Variants in ADAMTS14 observed in about 807,000 individuals in gnomAD.
ADAMTS14 encodes A disintegrin and metalloproteinase with thrombospondin motifs 14.
Under a neutral mutation model 128.6 loss-of-function variants are expected in ADAMTS14, and 100 were observed. The ratio of observed to expected loss-of-function variants is 0.78; its 90% CI spans 0.66 to 0.92. The LOEUF (loss-of-function observed/expected upper bound fraction) is 0.92, where lower values mean the gene tolerates loss of function less well. Ranked by LOEUF, ADAMTS14 falls within the 40% of genes least tolerant of loss-of-function variation. The pLI is 0.00. For synonymous variants in ADAMTS14, 665 were observed against 653.8 expected, an observed-to-expected ratio of 1.02 and a Z score of -0.26; for missense variants, 1,562 against 1,658.6, an observed-to-expected ratio of 0.94 and a Z score of 1.01.
chr10:70,683,594 A>T (rs1839876364), intron 2 of ADAMTS14, among the ~76,000 whole-genome samples: 1 of 152,198 alleles, frequency 6.6e-6, no homozygotes, highest in Non-Finnish European at 1.5e-5. Context: ...GCAGGGTGGG[A>T]AACTGAGTGA....
At chr10:70,684,439 AT>A (rs368229944) in intron 2 of ADAMTS14, among the ~76,000 whole-genome samples, 45 of 152,330 alleles carry the variant, frequency 3.0e-4, no homozygotes, top group African/African-American at 1.0e-3. Flanking sequence ...GGACTCTTCC[AT>A]TTGAGGGAAG....
chr10:70,744,886 G>T (rs77002102), intron 14 of ADAMTS14, among the ~76,000 whole-genome samples: 7,592 of 152,164 alleles, frequency 0.05, 217 homozygotes, highest in Non-Finnish European at 0.071. Flanking sequence ...GTAGCTTAAG[G>T]TGTGAGAAGA....
At chr10:70,741,288 A>C in intron 12 of ADAMTS14, 126 bp downstream of exon 12, 3 of 1,182,118 alleles carry the variant, frequency 2.5e-6, no homozygotes, top group Non-Finnish European at 3.5e-6. Context: ...GGGTGCCAAA[A>C]GGGACACTGA....
At chr10:70,738,176 C>T (rs1268270227) in intron 10 of ADAMTS14, among the ~76,000 whole-genome samples, 1 of 152,024 alleles carries the variant, frequency 6.6e-6, no homozygotes, top group East Asian at 1.9e-4. Context: ...GCATTTTTTT[C>T]ATGCTACCCT....
At chr10:70,728,305 C>T (rs1293213446) in intron 4 of ADAMTS14, among the ~76,000 whole-genome samples, 3 of 152,216 alleles carry the variant, frequency 2.0e-5, no homozygotes, top group South Asian at 2.1e-4. Context: ...CATGTACACA[C>T]GTGGCATGAT....
intron 2 of ADAMTS14, among the ~76,000 whole-genome samples, chr10:70,686,879 G>T (rs1839979265): frequency 1.2e-5 from 1 of 84,210 alleles, no homozygotes; most frequent in African/African-American, 4.1e-5. Context: ...GGCGGGGGGG[G>T]CTGACCCCCC....
At chr10:70,684,127 G>A (rs1380274307) in intron 2 of ADAMTS14, among the ~76,000 whole-genome samples, 3 of 151,838 alleles carry the variant, frequency 2.0e-5, no homozygotes, top group Non-Finnish European at 2.9e-5. Context: ...CTCGCATGGC[G>A]GGAGCAGGAG....
chr10:70,713,479 A>T (rs551963489), intron 4 of ADAMTS14, among the ~76,000 whole-genome samples: 1 of 152,312 alleles, frequency 6.6e-6, no homozygotes, highest in African/African-American at 2.4e-5. Flanking sequence ...GGGCCACAGG[A>T]TGAGGGCTTC....
At position 70,745,313 on chromosome 10, in the gene ADAMTS14, G is replaced by T; in HGVS notation, c.2263+7G>T. On this transcript the variant is annotated splice_region_variant and intron_variant, in intron 15 of 21. Coordinates refer to ENST00000373207, the MANE Select transcript of ADAMTS14 (RefSeq NM_080722.4). The stretch of plus-strand genomic sequence containing the variant: ...AAGTCCCCCCACCGCATTGGTGAGT[G>T]CTGGGGTGCTGGGAGGGGACAGCAG... The T allele has an allele frequency of 6.2e-7, 1 of 1,612,210 alleles. No individual in the cohort carries two copies.
intron 3 of ADAMTS14, among the ~76,000 whole-genome samples, chr10:70,705,440 G>A (rs1589280447): frequency 1.3e-5 from 2 of 152,346 alleles, no homozygotes; most frequent in East Asian, 1.9e-4. Context: ...GGCTCAGGGC[G>A]GCTGCTTTAC....
intron 10 of ADAMTS14, among the ~76,000 whole-genome samples, chr10:70,738,009 T>A (rs1284055256): frequency 6.6e-6 from 1 of 152,212 alleles, no homozygotes; most frequent in Non-Finnish European, 1.5e-5. Context: ...CACCTCATTA[T>A]AGTGCCTCCA....
chr10:70,733,854 T>C, intron 7 of ADAMTS14, 31 bp from the exon 8 acceptor site: 3 of 1,600,916 alleles, frequency 1.9e-6, no homozygotes, highest in Non-Finnish European at 1.7e-6. Context: ...TCCTGGGATG[T>C]ATCAGGACTC....
chr10:70,678,004 G>A (rs1464484494), intron 2 of ADAMTS14, among the ~76,000 whole-genome samples: 2 of 152,172 alleles, frequency 1.3e-5, no homozygotes, highest in African/African-American at 4.8e-5. Context: ...GCTGACCATG[G>A]ACAAGGTCCA....
At chr10:70,743,823 G>A (rs948995049) in intron 13 of ADAMTS14, 142 bp downstream of exon 13, 66 of 1,290,578 alleles carry the variant, frequency 5.1e-5, no homozygotes, top group Middle Eastern at 5.4e-4. Context: ...GCCCTGGGGT[G>A]CTGGAAGGGG....
intron 9 of ADAMTS14, among the ~76,000 whole-genome samples, chr10:70,736,366 G>C (rs1313603459): frequency 6.6e-6 from 1 of 152,106 alleles, no homozygotes; most frequent in Non-Finnish European, 1.5e-5. Flanking sequence ...GACCTCCCCA[G>C]AGCCTCACGC....
Position 70,760,632 on chromosome 10 carries a change from C to T in ADAMTS14, c.3451C>T (p.Leu1151Phe). 2 of 1,614,150 alleles carry T rather than the reference C, an allele frequency of 1.2e-6. No individual in the cohort carries two copies. The highest frequency in any genetic ancestry group is 1.7e-6 in the Non-Finnish European group (2 of 1,180,020). The change falls in exon 22 of 22, where the codon CTC (leucine) becomes TTC (phenylalanine). Residue 1151 changes from leucine (L) to phenylalanine (F), a missense_variant. By Grantham distance (22) the Leu-to-Phe change is conservative. Coordinates refer to ENST00000373207, the MANE Select transcript of ADAMTS14 (RefSeq NM_080722.4). ...CCATCAGCATGGCCGAGCCACACAG[C>T]TCCCAGGAGCTCTGGATACAAGCTC... Reference protein sequence around the residue: ...EDHQHGRATQLPGALDTSSPG... With the variant: ...EDHQHGRATQFPGALDTSSPG...
At chr10:70,729,017 C>G (rs112606799) in intron 4 of ADAMTS14, among the ~76,000 whole-genome samples, 3 of 152,284 alleles carry the variant, frequency 2.0e-5, no homozygotes, top group African/African-American at 7.2e-5. Context: ...AGTTTGAGAC[C>G]AGGCCCTCTA....
At chr10:70,713,922 C>T (rs558934320) in intron 4 of ADAMTS14, among the ~76,000 whole-genome samples, 21 of 152,280 alleles carry the variant, frequency 1.4e-4, no homozygotes, top group Middle Eastern at 6.8e-3. Context: ...AGCTGGGTGC[C>T]GTGACTCACA....
intron 2 of ADAMTS14, among the ~76,000 whole-genome samples, chr10:70,696,571 G>GT (rs997723113): frequency 2.0e-5 from 3 of 152,174 alleles, no homozygotes; most frequent in African/African-American, 7.2e-5. Context: ...GGGACAGCAG[G>GT]ATAGAGGGAA....
Sources: allele counts gnomAD v4.1 joint callset (sites outside exome capture counted in the v4.1 genomes callset), GRCh38; gene constraint gnomAD v4.1.1; transcripts MANE v1.5; gene names NCBI Gene and HGNC (gene_info 2026-07-23, HGNC 2026-07-21).